RNF11: variants seen among roughly 807,000 people sequenced by gnomAD.
RNF11 encodes ring finger protein 11.
In RNF11, 4 loss-of-function variants were observed where a neutral mutation model predicts 15.8. The observed-to-expected ratio is 0.25, with a 90% confidence interval of 0.12 to 0.58. The LOEUF is 0.58. Among genes scored for constraint, RNF11 ranks in the 20% least tolerant of loss-of-function variants. RNF11 has a pLI of 0.91. For missense variants in RNF11, 139 were observed against 194.4 expected, an observed-to-expected ratio of 0.71 and a Z score of 1.70; for synonymous variants, 68 against 72.3, an observed-to-expected ratio of 0.94 and a Z score of 0.30.
In RNF11 at chr1:51,251,122, G is replaced by A. The variant is rs566814735; in HGVS notation, c.123+14243G>A. 3.7e-3 allele frequency: 5,813 copies of A among 1,552,102 alleles called. 18 individuals are homozygous for A. Among genetic ancestry groups the A allele is most frequent in the Non-Finnish European group, 4.1e-3 (4,699 of 1,143,374 alleles). On this transcript the variant is annotated intron_variant, in intron 1 of 2. Coordinates refer to ENST00000242719, the MANE Select transcript of RNF11 (RefSeq NM_014372.5). ...ACAAACGCCTTGAACCTGGTGCGCTGGCCAGCACGGGTCTGCGTCTGCACT... is the reference window on the plus strand; with the variant it reads ...ACAAACGCCTTGAACCTGGTGCGCTAGCCAGCACGGGTCTGCGTCTGCACT...
At chr1:51,264,567 G>A (rs889811851) in intron 1 of RNF11, among the ~76,000 whole-genome samples, 19 of 152,002 alleles carry the variant, frequency 1.2e-4, no homozygotes, top group African/African-American at 4.6e-4. Flanking sequence ...ACTGCAGCTG[G>A]GAAGAAGGTG....
chr1:51,246,454 A>G (rs1474775720), intron 1 of RNF11, among the ~76,000 whole-genome samples: 2 of 152,142 alleles, frequency 1.3e-5, no homozygotes, highest in African/African-American at 4.8e-5. Context: ...ACATGCCTGT[A>G]GTCCCAGCTA....
chr1:51,265,783 G>C (rs1376929584), intron 1 of RNF11, among the ~76,000 whole-genome samples: 3 of 152,060 alleles, frequency 2.0e-5, no homozygotes. Flanking sequence ...TGTCATTAGA[G>C]AAGAGCCCAT....
intron 1 of RNF11, among the ~76,000 whole-genome samples, chr1:51,258,919 A>T (rs1646917067): frequency 6.6e-6 from 1 of 152,150 alleles, no homozygotes; most frequent in Non-Finnish European, 1.5e-5. Flanking sequence ...GGGCCTTTGT[A>T]TATTTAGCGT....
intron 1 of RNF11, among the ~76,000 whole-genome samples, chr1:51,245,401 C>T (rs908207471): frequency 6.6e-6 from 1 of 152,134 alleles, no homozygotes; most frequent in Non-Finnish European, 1.5e-5. Flanking sequence ...AGTCCACCCA[C>T]CTCGGCCTCC....
intron 1 of RNF11, among the ~76,000 whole-genome samples, chr1:51,238,661 A>C (rs1454320271): frequency 6.6e-6 from 1 of 152,222 alleles, no homozygotes; most frequent in East Asian, 1.9e-4. Context: ...TGAGTGAAGC[A>C]AGCAAGCTAT....
At chr1:51,240,992 CT>C (rs1262599376) in intron 1 of RNF11, among the ~76,000 whole-genome samples, 3 of 151,796 alleles carry the variant, frequency 2.0e-5, no homozygotes, top group Non-Finnish European at 2.9e-5. Context: ...GATTTTTGTA[CT>C]TTTGGTAGAG....
In RNF11 at chr1:51,250,493, A is replaced by C. The variant is rs1362216607; in HGVS notation, c.123+13614A>C. 6.0e-6 allele frequency: 3 copies of C among 501,836 alleles called. No homozygotes were observed. In the East Asian group the frequency reaches 1.1e-4, roughly 18 times the overall value. 31.1% of individuals were successfully genotyped at this position (501,836 alleles called of 1,614,324 possible). On this transcript the variant is annotated intron_variant, in intron 1 of 2. Transcript: ENST00000242719. ...AGAGTTGAATAGCGTGGGTCCACTT[A>C]CAGTGCTAATTTGTTTACACAAGTA...
chr1:51,263,812 G>T, intron 1 of RNF11, among the ~76,000 whole-genome samples: 1 of 152,136 alleles, frequency 6.6e-6, no homozygotes, highest in Non-Finnish European at 1.5e-5. Flanking sequence ...AAATTGATAA[G>T]TGATGGTTGC....
intron 1 of RNF11, among the ~76,000 whole-genome samples, chr1:51,264,317 T>TACAC (rs376270848): frequency 1.4e-3 from 103 of 75,450 alleles, no homozygotes; most frequent in East Asian, 2.1e-3. Flanking sequence ...TATATATATA[T>TACAC]ACACACACAC....
intron 1 of RNF11, 56 bp downstream of exon 1, chr1:51,236,935 A>AG: frequency 6.4e-7 from 1 of 1,553,858 alleles, no homozygotes; most frequent in East Asian, 2.4e-5. Flanking sequence ...GCGGAGATTG[A>AG]GGGGGCTTCG....
intron 1 of RNF11, chr1:51,251,392 C>A: frequency 7.1e-7 from 1 of 1,403,260 alleles, no homozygotes; most frequent in Non-Finnish European, 9.8e-7. Flanking sequence ...ATGCCACTGC[C>A]GAAACCTCCG....
intron 1 of RNF11, among the ~76,000 whole-genome samples, chr1:51,248,149 TGGAGTGCAG>T: frequency 6.7e-6 from 1 of 149,248 alleles, no homozygotes; most frequent in Non-Finnish European, 1.5e-5. Context: ...TTGCTCAGGT[TGGAGTGCAG>T]TGTCACGAGA....
chr1:51,272,509 T>G lies in RNF11; in HGVS notation c.*1187T>G, dbSNP rs1646984026. ...CGCAGAATTTGTATAACCATATGAC[T>G]TCATAGTTGTGATCTCAAAAAAGAA... is the stretch of plus-strand genomic sequence containing the variant. On this transcript the variant is annotated 3_prime_UTR_variant, in exon 3 of 3. Coordinates refer to ENST00000242719, the MANE Select transcript of RNF11 (RefSeq NM_014372.5). The G allele has an allele frequency of 6.6e-6, 1 of 152,614 alleles. No homozygotes were observed. Among genetic ancestry groups the G allele is most frequent in the Non-Finnish European group, 1.5e-5 (1 of 68,014 alleles). 9.5% of individuals were successfully genotyped at this position (152,614 alleles called of 1,614,324 possible). A position where few individuals can be genotyped will look rare whatever the true frequency, so the allele number is the denominator to read the frequency against.
intron 1 of RNF11, among the ~76,000 whole-genome samples, chr1:51,263,767 G>C (rs1291116215): frequency 2.0e-5 from 3 of 152,090 alleles, no homozygotes; most frequent in Non-Finnish European, 4.4e-5. Flanking sequence ...CTGTTAATGA[G>C]TACACTTTCT....
intron 1 of RNF11, among the ~76,000 whole-genome samples, chr1:51,259,136 C>G (rs927875679): frequency 2.6e-5 from 4 of 152,180 alleles, no homozygotes; most frequent in African/African-American, 9.7e-5. Context: ...TTAGCAAAGT[C>G]TAGAGACATT....
chr1:51,250,653 G>A (rs1646873085), intron 1 of RNF11: 1 of 768,478 alleles, frequency 1.3e-6, no homozygotes, highest in East Asian at 2.4e-5. Flanking sequence ...TCTGGCGTGG[G>A]CCTTGATGAG....
intron 1 of RNF11, among the ~76,000 whole-genome samples, chr1:51,252,845 GA>G (rs1397217528): frequency 1.3e-5 from 2 of 150,328 alleles, no homozygotes; most frequent in Non-Finnish European, 3.0e-5. Context: ...GTTTGGGGGG[GA>G]CAGAGAGTCT....
intron 1 of RNF11, chr1:51,251,554 T>C: frequency 1.7e-6 from 1 of 575,062 alleles, no homozygotes; most frequent in Non-Finnish European, 3.1e-6. Flanking sequence ...TATCAAAAAA[T>C]TAAGGTATGT....
Sources: gnomAD v4.1 joint callset for allele counts (sites outside exome capture counted in the v4.1 genomes callset) on GRCh38, gnomAD v4.1.1 for gene constraint, MANE v1.5 for transcripts, NCBI Gene and HGNC (gene_info 2026-07-23, HGNC 2026-07-21) for gene names.